The following SLC24A3 variants were observed in gnomAD, a reference collection of about 807,000 sequenced individuals.
The protein encoded by SLC24A3 is solute carrier family 24 member 3.
SLC24A3 carries 28 observed loss-of-function variants against 75.8 expected under a neutral mutation model. The ratio of observed to expected loss-of-function variants is 0.37; its 90% CI spans 0.27 to 0.51. The LOEUF (loss-of-function observed/expected upper bound fraction) is 0.51. Ranked by LOEUF, SLC24A3 falls within the 20% of genes least tolerant of loss-of-function variation. The pLI, the probability that SLC24A3 is intolerant of heterozygous loss-of-function variation, is 0.94. For missense variants in SLC24A3, 663 were observed against 847.8 expected (o/e 0.78, Z 2.71); for synonymous variants, 372 against 334.1 (o/e 1.11, Z -1.24).
chr20:19,564,775 C>T (rs1600282468), intron 3 of SLC24A3, among the ~76,000 whole-genome samples: 2 of 152,312 alleles, frequency 1.3e-5, no homozygotes, highest in East Asian at 3.9e-4. Flanking sequence ...CATTCTGTTC[C>T]CTTGCCACTT....
chr20:19,657,049 G>A (rs1182965953), intron 7 of SLC24A3, among the ~76,000 whole-genome samples: 1 of 152,188 alleles, frequency 6.6e-6, no homozygotes, highest in African/African-American at 2.4e-5. Flanking sequence ...TGAGCTAGCT[G>A]AACACGCAGG....
At chr20:19,598,574 C>T (rs1316830344) in intron 6 of SLC24A3, among the ~76,000 whole-genome samples, 1 of 151,908 alleles carries the variant, frequency 6.6e-6, no homozygotes, top group Non-Finnish European at 1.5e-5. Context: ...GCACACTGGC[C>T]TCAGTGTGCT....
chr20:19,269,016 T>C (rs938555985), intron 1 of SLC24A3, among the ~76,000 whole-genome samples: 2 of 152,370 alleles, frequency 1.3e-5, no homozygotes, highest in Middle Eastern at 3.4e-3. Context: ...AGATTGGGGT[T>C]CTGCCTTGGT....
chr20:19,599,392 G>T (rs915189478), intron 6 of SLC24A3, among the ~76,000 whole-genome samples: 6 of 152,168 alleles, frequency 3.9e-5, no homozygotes, highest in African/African-American at 1.4e-4. Flanking sequence ...CCGCGCACCT[G>T]GCGGACGGCG....
At chr20:19,321,481 G>A (rs980316305) in intron 2 of SLC24A3, among the ~76,000 whole-genome samples, 1 of 152,092 alleles carries the variant, frequency 6.6e-6, no homozygotes, top group Non-Finnish European at 1.5e-5. Flanking sequence ...GAAAGGAAAG[G>A]AAACTTAGAG....
chr20:19,650,490 C>A (rs2032188934), intron 6 of SLC24A3, among the ~76,000 whole-genome samples: 1 of 152,214 alleles, frequency 6.6e-6, no homozygotes. Flanking sequence ...TCTTCTAAGG[C>A]AACTGCTTTC....
At chr20:19,256,366 G>C (rs1320185274) in intron 1 of SLC24A3, among the ~76,000 whole-genome samples, 1 of 152,182 alleles carries the variant, frequency 6.6e-6, no homozygotes, top group East Asian at 1.9e-4. Flanking sequence ...TGGATGCAAA[G>C]TGTCTTTTTG....
At chr20:19,408,412 C>CA (rs1481866716) in intron 2 of SLC24A3, among the ~76,000 whole-genome samples, 3 of 140,274 alleles carry the variant, frequency 2.1e-5, no homozygotes, top group Non-Finnish European at 4.5e-5. Context: ...TTTTTTGAGA[C>CA]AGAGTCTCGC....
At chr20:19,669,805 C>A (rs1400223209) in intron 8 of SLC24A3, among the ~76,000 whole-genome samples, 1 of 151,992 alleles carries the variant, frequency 6.6e-6, no homozygotes, top group Non-Finnish European at 1.5e-5. Flanking sequence ...AACAGTGTAC[C>A]CAGGTGAGGA....
At chr20:19,638,810 A>G (rs1370435331) in intron 6 of SLC24A3, among the ~76,000 whole-genome samples, 1 of 152,138 alleles carries the variant, frequency 6.6e-6, no homozygotes, top group Non-Finnish European at 1.5e-5. Flanking sequence ...TGAGTGTTAC[A>G]GCTCTTAAGT....
intron 2 of SLC24A3, among the ~76,000 whole-genome samples, chr20:19,463,811 T>C (rs1197420251): frequency 6.6e-6 from 1 of 152,218 alleles, no homozygotes; most frequent in Non-Finnish European, 1.5e-5. Flanking sequence ...TCCCCCTGGC[T>C]AGGCTGAGGC....
intron 1 of SLC24A3, among the ~76,000 whole-genome samples, chr20:19,233,384 A>C (rs550022556): frequency 2.6e-5 from 4 of 152,248 alleles, no homozygotes; most frequent in Non-Finnish European, 5.9e-5. Flanking sequence ...ACATGGACGC[A>C]TCTTGTCCTA....
intron 15 of SLC24A3, among the ~76,000 whole-genome samples, chr20:19,714,929 GTTC>G (rs1287024075): frequency 1.3e-5 from 2 of 152,220 alleles, no homozygotes; most frequent in Non-Finnish European, 2.9e-5. Context: ...ACTTTACTAA[GTTC>G]TTGTTGCTGA....
At chr20:19,255,618 C>G (rs1381014273) in intron 1 of SLC24A3, among the ~76,000 whole-genome samples, 2 of 152,182 alleles carry the variant, frequency 1.3e-5, no homozygotes, top group Non-Finnish European at 2.9e-5. Flanking sequence ...ATTGTCCTTC[C>G]AATGCCATAC....
chr20:19,327,574 G>A (rs141234727), intron 2 of SLC24A3, among the ~76,000 whole-genome samples: 2 of 152,322 alleles, frequency 1.3e-5, no homozygotes, highest in African/African-American at 4.8e-5. Flanking sequence ...AAGTGGAGCT[G>A]GCTCCAGGAC....
chr20:19,708,917 A>G (rs1657744829), intron 15 of SLC24A3, among the ~76,000 whole-genome samples: 1 of 152,212 alleles, frequency 6.6e-6, no homozygotes, highest in African/African-American at 2.4e-5. Context: ...TTACCTGGAA[A>G]GCTGAATCAG....
intron 16 of SLC24A3, among the ~76,000 whole-genome samples, chr20:19,718,230 A>G (rs1202492293): frequency 6.6e-6 from 1 of 152,264 alleles, no homozygotes; most frequent in African/African-American, 2.4e-5. Flanking sequence ...AATATGCCAG[A>G]GAATGGGAAT....
chr20:19,237,082 A>G (rs1982189178), intron 1 of SLC24A3, among the ~76,000 whole-genome samples: 1 of 152,246 alleles, frequency 6.6e-6, no homozygotes, highest in South Asian at 2.1e-4. Context: ...ATGAGAAATT[A>G]TGGCAACACA....
intron 2 of SLC24A3, among the ~76,000 whole-genome samples, chr20:19,355,540 A>T (rs1220937078): frequency 6.6e-6 from 1 of 152,218 alleles, no homozygotes; most frequent in African/African-American, 2.4e-5. Flanking sequence ...TTAGCCACTG[A>T]CCTGACCACT....
Sources: allele counts gnomAD v4.1 joint callset (sites outside exome capture counted in the v4.1 genomes callset), GRCh38; gene constraint gnomAD v4.1.1; transcripts MANE v1.5; gene names NCBI Gene and HGNC (gene_info 2026-07-23, HGNC 2026-07-21).